Variants in ACP6 observed in about 807,000 individuals in gnomAD.
ACP6 encodes lysophosphatidic acid phosphatase type 6.
ACP6 carries 48 observed loss-of-function variants against 48.1 expected under a neutral mutation model. That is an observed-to-expected ratio of 1.00 (90% CI 0.79 to 1.27). ACP6 has a LOEUF of 1.27. Among genes scored for constraint, ACP6 ranks in the 50% most tolerant of loss-of-function variants. The pLI is 0.00. For missense variants in ACP6, 485 were observed against 529.1 expected (o/e 0.92, Z 0.82); for synonymous variants, 172 against 204.2 (o/e 0.84, Z 1.34).
At position 147,670,038 on chromosome 1, in the gene ACP6, C is replaced by G; in HGVS notation, c.11G>C (p.Gly4Ala). 6.6e-7 allele frequency: 1 copy of G among 1,519,234 alleles called. No individual in the cohort carries two copies. Among genetic ancestry groups the G allele is most frequent in the African/African-American group, 1.4e-5 (1 of 72,678 alleles). 94.1% of individuals were successfully genotyped at this position (1,519,234 alleles called of 1,614,324 possible). MIT[G>A]VFSMRLWTPV... is the part of the protein sequence containing the mutation. ...GGTCCACAAGCGCATGCTGAACACA[C>G]CAGTGATCATGGTGGTAGGCCCTCG... The change falls in exon 1 of 10, where the codon GGT (glycine) becomes GCT (alanine). Residue 4 changes from glycine (G) to alanine (A), a missense_variant. Physicochemically the swap from Gly to Ala is moderately conservative, Grantham distance 60. Transcript: ENST00000583509.
chr1:147,645,549 C>G lies in ACP6; in HGVS notation c.*1874G>C, dbSNP rs1363720815. 1 of 152,200 alleles carries G rather than the reference C, an allele frequency of 6.6e-6. No homozygotes were observed. Among genetic ancestry groups the G allele is most frequent in the Non-Finnish European group, 1.5e-5 (1 of 68,052 alleles). The allele number at this position is 152,200 out of a possible 1,614,324, so 9.4% of individuals were successfully genotyped here. On this transcript the variant is annotated 3_prime_UTR_variant, in exon 10 of 10. Transcript: ENST00000583509. ...AGAAATTGGAGGAAAACCAAGAAAG[C>G]ATTTGTCGAAGCCAGTGAAGGAAAT...
intron 9 of ACP6, 93 bp from the exon 10 acceptor site, chr1:147,647,659 T>C: frequency 6.7e-7 from 1 of 1,492,150 alleles, no homozygotes; most frequent in Non-Finnish European, 8.9e-7. Context: ...CTCTGATCCA[T>C]GTGGTATACA....
At chr1:147,634,081 G>A (rs1434032258) in intron 5 of ACP6, among the ~76,000 whole-genome samples, 8 of 152,178 alleles carry the variant, frequency 5.3e-5, no homozygotes, top group Admixed American at 3.3e-4. Flanking sequence ...CACAAGTGCT[G>A]CACCATTTTG....
rs782249244 is a variant in ACP6 at position 147,652,498 on chromosome 1, C to T, written c.832G>A (p.Glu278Lys). The T allele has an allele frequency of 1.5e-5, 25 of 1,614,028 alleles. No homozygotes were observed. Among genetic ancestry groups the T allele is most frequent in the African/African-American group, 8.0e-5 (6 of 74,998 alleles). The change falls in exon 7 of 10, where the codon GAA becomes AAA. Residue 278 changes from glutamate (E) to lysine (K), a missense_variant. Physicochemically the swap from Glu to Lys is moderately conservative, Grantham distance 56. Coordinates refer to ENST00000583509, the MANE Select transcript of ACP6 (RefSeq NM_016361.5). Reference protein sequence around the residue: ...PMLKRFARMIEQRAVDTSLYI... With the variant: ...PMLKRFARMIKQRAVDTSLYI... ...AAGGATGTGTCCACAGCTCTCTGTT[C>T]GATCATCCTTGCAAATCTCTTCAGC... is the stretch of plus-strand genomic sequence containing the variant.
Position 147,648,354 on chromosome 1 carries a change from C to T in ACP6, c.1035G>A (p.Leu345=), listed in dbSNP as rs782806936. 1 of 1,614,168 alleles carries T rather than the reference C, an allele frequency of 6.2e-7. No individual in the cohort carries two copies. Among genetic ancestry groups the T allele is most frequent in the South Asian group, 1.1e-5 (1 of 91,086 alleles). Residue 345 remains leucine, a synonymous_variant, in exon 9 of 10, where the codon CTG becomes CTA. Coordinates refer to ENST00000583509, the MANE Select transcript of ACP6 (RefSeq NM_016361.5). ...DVTFIPLLMT[L]GIFDHKWPPF... is the part of the protein sequence containing the mutation. ...GTGGCCATTTGTGGTCAAAAATCCC[C>T]AGGGTCATTAAGAGCGGTATGAAGG...
Position 147,660,821 on chromosome 1 carries a change from T to C in ACP6, c.220-1046A>G, listed in dbSNP as rs587599072. On this transcript the variant is annotated intron_variant, in intron 1 of 9. Transcript: ENST00000583509. ...TATGGAGTACAATGTGATGTTTTCA[T>C]ATATATTTACATTTGATATATGATT... Among the ~76,000 whole-genome samples, 3 of 152,392 alleles carry C rather than the reference T, an allele frequency of 2.0e-5. No homozygotes were observed. The East Asian group carries it at 5.8e-4, about 29-fold the overall frequency.
At chr1:147,650,021 A>T in intron 8 of ACP6, 122 bp downstream of exon 8, 1 of 757,096 alleles carries the variant, frequency 1.3e-6, no homozygotes, top group Non-Finnish European at 2.2e-6. Context: ...GAGGCCTGTT[A>T]AACATCTACC....
chr1:147,664,435 T>C (rs2148916023), intron 1 of ACP6, among the ~76,000 whole-genome samples: 1 of 152,324 alleles, frequency 6.6e-6, no homozygotes, highest in South Asian at 2.1e-4. Flanking sequence ...TAGAAAGACT[T>C]TTGTTCATTC....
At chr1:147,634,205 G>A (rs1553207728) in intron 5 of ACP6, among the ~76,000 whole-genome samples, 2 of 152,148 alleles carry the variant, frequency 1.3e-5, no homozygotes, top group Non-Finnish European at 2.9e-5. Context: ...GATGAGTGAC[G>A]TTGAGCATCT....
At chr1:147,641,314 T>A (rs587737107), downstream of ACP6, among the ~76,000 whole-genome samples, 1 of 152,208 alleles carries the variant, frequency 6.6e-6, no homozygotes, top group South Asian at 2.1e-4. Context: ...CCCTTCAGGG[T>A]TTCTGTCCCC....
At chr1:147,661,701 T>C (rs1162088425) in intron 1 of ACP6, among the ~76,000 whole-genome samples, 1 of 152,212 alleles carries the variant, frequency 6.6e-6, no homozygotes, top group Non-Finnish European at 1.5e-5. Context: ...CTATGCCTCT[T>C]GCACCAAACA....
rs957708364 is a variant in ACP6, at chr1:147,654,546, A to G, written c.648-220T>C. On this transcript the variant is annotated intron_variant, in intron 5 of 9. Transcript: ENST00000583509. ...CAAGTACCAGGGTTAGGATAACAGG[A>G]TGAAATTTTCCAAATCTCACTCTAG... Among the ~76,000 whole-genome samples the G allele has an allele frequency of 6.5e-4, 99 of 152,224 alleles. 1 individual carries two copies. Among genetic ancestry groups the G allele is most frequent in the Admixed American group, 6.0e-3 (92 of 15,280 alleles).
chr1:147,648,499 T>C, intron 8 of ACP6, 88 bp from the exon 9 acceptor site: 1 of 1,478,072 alleles, frequency 6.8e-7, no homozygotes, highest in Admixed American at 1.9e-5. Context: ...AAGACACACT[T>C]GCCTCAGAAA....
chr1:147,665,554 T>C (rs1660752689), intron 1 of ACP6, among the ~76,000 whole-genome samples: 1 of 152,230 alleles, frequency 6.6e-6, no homozygotes, highest in African/African-American at 2.4e-5. Flanking sequence ...CTCCTTTGTG[T>C]TCCCAGTGCT....
chr1:147,670,097 A>G lies in ACP6; in HGVS notation c.-49T>C. 7.0e-7 allele frequency: 1 copy of G among 1,433,262 alleles called. No individual in the cohort carries two copies. The allele number at this position is 1,433,262 out of a possible 1,614,324, so 88.8% of individuals were successfully genotyped here. ...CGGGTTGAGGCTGCAGGAGGCAAAC[A>G]CAAGTCTTCTGCGGGCGCCGGGGCT... On this transcript the variant is annotated 5_prime_UTR_variant, in exon 1 of 10. Coordinates refer to ENST00000583509, the MANE Select transcript of ACP6 (RefSeq NM_016361.5).
chr1:147,641,471 G>A (rs1357619266), downstream of ACP6, among the ~76,000 whole-genome samples: 1 of 152,210 alleles, frequency 6.6e-6, no homozygotes, highest in Admixed American at 6.5e-5. Flanking sequence ...AGGCCCTCGG[G>A]AAGAGCTATC....
At chr1:147,632,415 T>C (rs1372271448) in intron 5 of ACP6, among the ~76,000 whole-genome samples, 3 of 151,992 alleles carry the variant, frequency 2.0e-5, no homozygotes, top group African/African-American at 7.2e-5. Flanking sequence ...AGGATCCATA[T>C]GAGCTTGGGT....
chr1:147,666,281 A>G (rs1178754065), intron 1 of ACP6, among the ~76,000 whole-genome samples: 1 of 152,234 alleles, frequency 6.6e-6, no homozygotes, highest in Non-Finnish European at 1.5e-5. Flanking sequence ...TAAAGAGGAT[A>G]GAGTAATATA....
intron 1 of ACP6, among the ~76,000 whole-genome samples, chr1:147,664,550 C>T (rs587699462): frequency 1.8e-4 from 27 of 152,288 alleles, no homozygotes; most frequent in African/African-American, 5.1e-4. Flanking sequence ...GTGTATTAAA[C>T]GAGCTCCTTT....
Sources: allele counts gnomAD v4.1 joint callset (sites outside exome capture counted in the v4.1 genomes callset), GRCh38; gene constraint gnomAD v4.1.1; transcripts MANE v1.5; gene names NCBI Gene and HGNC (gene_info 2026-07-23, HGNC 2026-07-21).